PTTG1: variants seen among roughly 807,000 people sequenced by gnomAD.
PTTG1 encodes securin.
In PTTG1, 8 loss-of-function variants were observed where a neutral mutation model predicts 20.0. The ratio of observed to expected loss-of-function variants is 0.40; its 90% CI spans 0.23 to 0.72. PTTG1 has a LOEUF of 0.72. PTTG1 is among the 30% of genes least tolerant of loss of function. The pLI is 0.38. For missense variants in PTTG1, 197 were observed against 236.0 expected, an observed-to-expected ratio of 0.83 and a Z score of 1.08; for synonymous variants, 79 against 87.2, an observed-to-expected ratio of 0.91 and a Z score of 0.52.
In PTTG1 at chr5:160,421,928, C is replaced by T. The variant is rs1765715890; in HGVS notation, c.-12+37C>T. On this transcript the variant is annotated intron_variant, in intron 1 of 5. Transcript: ENST00000352433. ...GGAGGGTCGCGGGTGGTTAGTTGAG[C>T]CGGCTCCGGCGGGGAAGGAGGCGGG... 2.1e-5 allele frequency: 4 copies of T among 192,456 alleles called. No homozygotes were observed. In the South Asian group the frequency reaches 2.5e-4, roughly 12 times the overall value. 11.9% of individuals were successfully genotyped at this position (192,456 alleles called of 1,614,324 possible). A position where few individuals can be genotyped will look rare whatever the true frequency, so the allele number is the denominator to read the frequency against.
At chr5:160,423,970 G>A (rs1472224020) in intron 3 of PTTG1, among the ~76,000 whole-genome samples, 1 of 152,176 alleles carries the variant, frequency 6.6e-6, no homozygotes, top group Non-Finnish European at 1.5e-5. Context: ...CTGTTAGGTT[G>A]AATAATTGCA....
rs1765857354 is a variant in PTTG1, at chr5:160,428,712, T to C, written c.*31T>C. On this transcript the variant is annotated 3_prime_UTR_variant, in exon 6 of 6. Transcript: ENST00000352433. ...TTAGTGCTTCAGAGTTTGTGTGTATTTGTATTAATAAAGCATTCTTTAACA... is the reference window on the plus strand; with the variant it reads ...TTAGTGCTTCAGAGTTTGTGTGTATCTGTATTAATAAAGCATTCTTTAACA... The C allele has an allele frequency of 3.8e-6, 6 of 1,570,342 alleles. No homozygotes were observed. The highest frequency in any genetic ancestry group is 4.4e-6 in the Non-Finnish European group (5 of 1,140,732).
At chr5:160,426,453 C>A (rs981355578) in intron 4 of PTTG1, among the ~76,000 whole-genome samples, 6 of 152,230 alleles carry the variant, frequency 3.9e-5, no homozygotes, top group Middle Eastern at 6.8e-3. Context: ...ACACTAAAAC[C>A]CACAAGTGGC....
In PTTG1 at chr5:160,422,290, T is replaced by C; in HGVS notation, c.-11-12T>C. ...CCTTCCCCAATATCTAATATGTATTTCTCATTCTTAGAATAATCCAGAATG... is the reference window on the plus strand; with the variant it reads ...CCTTCCCCAATATCTAATATGTATTCCTCATTCTTAGAATAATCCAGAATG... On this transcript the variant is annotated splice_polypyrimidine_tract_variant and intron_variant, in intron 1 of 5. Transcript: ENST00000352433. The C allele has an allele frequency of 6.3e-7, 1 of 1,585,824 alleles. No individual in the cohort carries two copies. Among genetic ancestry groups the C allele is most frequent in the Non-Finnish European group, 8.7e-7 (1 of 1,154,254 alleles).
At chr5:160,427,149 T>G (rs1765823064) in intron 4 of PTTG1, among the ~76,000 whole-genome samples, 1 of 152,240 alleles carries the variant, frequency 6.6e-6, no homozygotes, top group African/African-American at 2.4e-5. Flanking sequence ...ACTTCTTTCA[T>G]TCCTTTAAGA....
At position 160,427,756 on chromosome 5, in the gene PTTG1, C is replaced by T. The variant is rs769793739; in HGVS notation, c.412C>T (p.His138Tyr). ...CCTGCCTGAAGAGCACCAGATTGCG[C>T]ACCTCCCCTTGAGTGGAGTGCCTCT... The part of the protein sequence containing the change: ...FDLPEEHQIA[H>Y]LPLSGVPLMI... The change falls in exon 5 of 6, where the codon CAC becomes TAC. Residue 138 changes from histidine to tyrosine, a missense_variant. Coordinates refer to ENST00000352433, the MANE Select transcript of PTTG1 (RefSeq NM_004219.4). 1.3e-5 allele frequency: 21 copies of T among 1,614,058 alleles called. No individual in the cohort carries two copies. The highest frequency in any genetic ancestry group is 1.6e-5 in the Non-Finnish European group (19 of 1,180,026).
At chr5:160,425,064 A>G (rs1434578457) in intron 4 of PTTG1, among the ~76,000 whole-genome samples, 1 of 152,210 alleles carries the variant, frequency 6.6e-6, no homozygotes, top group Non-Finnish European at 1.5e-5. Flanking sequence ...AAAGGAGGAT[A>G]CAGGTGAGGT....
intron 1 of PTTG1, 112 bp from the exon 2 acceptor site, chr5:160,422,190 G>C (rs1284896562): frequency 2.7e-6 from 2 of 735,908 alleles, no homozygotes; most frequent in African/African-American, 3.5e-5. Context: ...CTGTTCCGCT[G>C]TTTAGCTCTT....
chr5:160,423,497 A>G (rs1765754610), intron 3 of PTTG1, among the ~76,000 whole-genome samples: 2 of 152,266 alleles, frequency 1.3e-5, no homozygotes, highest in Admixed American at 1.3e-4. Flanking sequence ...TTAGGAAACA[A>G]CTAGTGAATT....
At position 160,428,631 on chromosome 5, in the gene PTTG1, T is replaced by C. The variant is rs747078501; in HGVS notation, c.559T>C (p.Ser187Pro). The C allele has an allele frequency of 6.2e-7, 1 of 1,614,142 alleles. No individual in the cohort carries two copies. Residue 187 changes from serine (S) to proline (P), a missense_variant, in exon 6 of 6, where the codon TCG (serine) becomes CCG (proline). Ser to Pro is a moderately conservative substitution (Grantham distance 74). Transcript: ENST00000352433. ...NLLQSPSSIL[S>P]TLDVELPPVC... ...GTTGCAGTCTCCTTCAAGCATTCTGTCGACCCTGGATGTTGAATTGCCACC... is the reference window on the plus strand; with the variant it reads ...GTTGCAGTCTCCTTCAAGCATTCTGCCGACCCTGGATGTTGAATTGCCACC...
intron 4 of PTTG1, among the ~76,000 whole-genome samples, chr5:160,426,420 T>C (rs918025839): frequency 6.6e-6 from 1 of 152,186 alleles, no homozygotes; most frequent in Non-Finnish European, 1.5e-5. Flanking sequence ...TTCAGATAAG[T>C]GTGGATAGGT....
At chr5:160,425,739 A>G (rs948242510) in intron 4 of PTTG1, among the ~76,000 whole-genome samples, 14 of 151,068 alleles carry the variant, frequency 9.3e-5, no homozygotes, top group African/African-American at 1.7e-4. Flanking sequence ...TCTTCTGTCT[A>G]TGGTTTCCTT....
intron 3 of PTTG1, 119 bp downstream of exon 3, chr5:160,423,012 G>A: frequency 9.5e-7 from 1 of 1,054,898 alleles, no homozygotes; most frequent in Non-Finnish European, 1.4e-6. Flanking sequence ...ATAGAGGTTA[G>A]CAAGCAGAGT....
rs1204368689 is a variant in PTTG1, at chr5:160,424,317, C to A, written c.357C>A (p.Pro119=). 4 of 1,601,228 alleles carry A rather than the reference C, an allele frequency of 2.5e-6. No homozygotes were observed. The highest frequency in any genetic ancestry group is 3.4e-6 in the Non-Finnish European group (4 of 1,168,908). The change falls in exon 4 of 6, where the codon CCC becomes CCA. Residue 119 remains proline (P), a synonymous_variant. Coordinates refer to ENST00000352433, the MANE Select transcript of PTTG1 (RefSeq NM_004219.4). ...ATCCAGAAATAGAAAAATTCTTTCCCTTCAATCCTCTAGGTAGTATCTTTT... is the reference window on the plus strand; with the variant it reads ...ATCCAGAAATAGAAAAATTCTTTCCATTCAATCCTCTAGGTAGTATCTTTT... ...DAYPEIEKFF[P]FNPLDFESFD...
Position 160,422,873 on chromosome 5 carries a change from C to A in PTTG1, c.256C>A (p.Pro86Thr), listed in dbSNP as rs367792449. ...KTKGPLKQKQPSFSAKKMTEK... is the reference protein window; with the variant it reads ...KTKGPLKQKQTSFSAKKMTEK... ...CAAGGGACCCCTCAAACAAAAACAG[C>A]CAAGCTTTTCTGCCAAAAAGGTAAG... Residue 86 changes from proline to threonine, a missense_variant, in exon 3 of 6, where the codon CCA becomes ACA. Coordinates refer to ENST00000352433, the MANE Select transcript of PTTG1 (RefSeq NM_004219.4). The A allele has an allele frequency of 6.2e-7, 1 of 1,614,134 alleles. No individual in the cohort carries two copies. Among genetic ancestry groups the A allele is most frequent in the South Asian group, 1.1e-5 (1 of 91,076 alleles).
chr5:160,426,784 C>T (rs2113213850), intron 4 of PTTG1, among the ~76,000 whole-genome samples: 1 of 152,324 alleles, frequency 6.6e-6, no homozygotes, highest in East Asian at 1.9e-4. Flanking sequence ...TGGCTCACGC[C>T]TGTAATCCCA....
At chr5:160,424,594 A>G (rs1295962079) in intron 4 of PTTG1, 3 of 309,654 alleles carry the variant, frequency 9.7e-6, no homozygotes. Flanking sequence ...AGATGTATTC[A>G]TGAACATTGA....
chr5:160,423,124 C>T, intron 3 of PTTG1: 1 of 518,428 alleles, frequency 1.9e-6, no homozygotes, highest in Non-Finnish European at 3.5e-6. Flanking sequence ...ATATTTTTGC[C>T]TCACCTGTCC....
rs774511151 is a variant in PTTG1, at chr5:160,424,322, A to G, written c.362A>G (p.Asn121Ser). 6 of 1,597,484 alleles carry G rather than the reference A, an allele frequency of 3.8e-6. No individual in the cohort carries two copies. Among genetic ancestry groups the G allele is most frequent in the East Asian group, 2.2e-5 (1 of 44,742 alleles). Reference protein sequence around the residue: ...YPEIEKFFPFNPLDFESFDLP... With the variant: ...YPEIEKFFPFSPLDFESFDLP... ...GAAATAGAAAAATTCTTTCCCTTCAATCCTCTAGGTAGTATCTTTTGCAAT... is the reference window on the plus strand; with the variant it reads ...GAAATAGAAAAATTCTTTCCCTTCAGTCCTCTAGGTAGTATCTTTTGCAAT... Residue 121 changes from asparagine to serine, a missense_variant, in exon 4 of 6, where the codon AAT (asparagine) becomes AGT (serine). Physicochemically the swap from Asn to Ser is conservative, Grantham distance 46 (BLOSUM62 1). Coordinates refer to ENST00000352433, the MANE Select transcript of PTTG1 (RefSeq NM_004219.4).
Sources: gnomAD v4.1 joint callset for allele counts (sites outside exome capture counted in the v4.1 genomes callset) on GRCh38, gnomAD v4.1.1 for gene constraint, MANE v1.5 for transcripts, NCBI Gene and HGNC (gene_info 2026-07-23, HGNC 2026-07-21) for gene names.